The following E2F2 variants were observed in gnomAD, a reference collection of about 807,000 sequenced individuals.
E2F2 encodes E2F transcription factor 2.
Under a neutral mutation model 42.2 loss-of-function variants are expected in E2F2, and 22 were observed. That is an observed-to-expected ratio of 0.52 (90% CI 0.37 to 0.74). E2F2 has a LOEUF of 0.74. Ranked by LOEUF, E2F2 falls within the 30% of genes least tolerant of loss-of-function variation. The pLI is 0.00. For missense variants in E2F2, 481 were observed against 557.8 expected (o/e 0.86, Z 1.39); for synonymous variants, 248 against 251.6 (o/e 0.99, Z 0.13).
intron 1 of E2F2, among the ~76,000 whole-genome samples, chr1:23,529,419 G>A (rs998502955): frequency 1.3e-5 from 2 of 152,206 alleles, no homozygotes; most frequent in African/African-American, 4.8e-5. Flanking sequence ...CCTGCATCCA[G>A]AGCTGGCTGG....
intron 3 of E2F2, 101 bp from the exon 4 acceptor site, chr1:23,521,172 A>G: frequency 7.8e-7 from 1 of 1,287,726 alleles, no homozygotes; most frequent in Non-Finnish European, 1.0e-6. Flanking sequence ...GGTTGTGGAA[A>G]TCAGTGGTCA....
chr1:23,512,465 A>C (rs1219501918), intron 6 of E2F2, among the ~76,000 whole-genome samples: 1 of 152,124 alleles, frequency 6.6e-6, no homozygotes, highest in Non-Finnish European at 1.5e-5. Flanking sequence ...TTAAAAAAAA[A>C]AATCTAAGGT....
chr1:23,516,570 GACACTT>G (rs763535746), intron 5 of E2F2, 43 bp from the exon 6 acceptor site: 4 of 1,517,954 alleles, frequency 2.6e-6, no homozygotes, highest in South Asian at 1.2e-5. Context: ...TGGGCAGCTG[GACACTT>G]ACACTTAGTG....
In E2F2 at chr1:23,513,561, CATGTGTGT is replaced by C. The variant is rs1355360817; in HGVS notation, c.1045+2766_1045+2773del. Among the ~76,000 whole-genome samples, 961 of 116,022 alleles carry C rather than the reference CATGTGTGT, an allele frequency of 8.3e-3. 18 individuals carry two copies. Among genetic ancestry groups the C allele is most frequent in the Admixed American group, 0.04 (417 of 10,526 alleles). 76.1% of individuals were successfully genotyped at this position (116,022 alleles called of 152,430 possible). A position where few individuals can be genotyped will look rare whatever the true frequency, so the allele number is the denominator to read the frequency against. On this transcript the variant is annotated intron_variant, in intron 6 of 6. Transcript: ENST00000361729. ...TACTATTTCAGAACACAGCACGGAA[CATGTGTGT>C]GTGTGTGTGTGTGTGTGTGTGTGTG...
At position 23,508,899 on chromosome 1, in the gene E2F2, GC is replaced by G. The variant is rs1229797311; in HGVS notation, c.*980del. 1 of 152,222 alleles carries G rather than the reference GC, an allele frequency of 6.6e-6. No homozygotes were observed. The highest frequency in any genetic ancestry group is 6.5e-5 in the Admixed American group (1 of 15,276). The allele number at this position is 152,222 out of a possible 1,614,324, so 9.4% of individuals were successfully genotyped here. A position where few individuals can be genotyped will look rare whatever the true frequency, so the allele number is the denominator to read the frequency against. ...TAATCTGACCCTTCTTTACAGTGGG[GC>G]TGCCTCTGCCTACCAAGTCCTTGGT... On this transcript the variant is annotated 3_prime_UTR_variant, in exon 7 of 7. Coordinates refer to ENST00000361729, the MANE Select transcript of E2F2 (RefSeq NM_004091.4).
At chr1:23,522,422 G>A (rs1643170704) in intron 2 of E2F2, among the ~76,000 whole-genome samples, 1 of 152,194 alleles carries the variant, frequency 6.6e-6, no homozygotes, top group African/African-American at 2.4e-5. Context: ...CCCTGTAAGG[G>A]TTGCTGTACA....
intron 1 of E2F2, among the ~76,000 whole-genome samples, chr1:23,524,829 CCA>C (rs1422882904): frequency 6.6e-6 from 1 of 152,228 alleles, no homozygotes; most frequent in Non-Finnish European, 1.5e-5. Context: ...CCCACCACAC[CCA>C]GAGGATGATA....
chr1:23,513,940 A>G (rs1558238347), intron 6 of E2F2, among the ~76,000 whole-genome samples: 1 of 152,066 alleles, frequency 6.6e-6, no homozygotes. Flanking sequence ...CCTGGCCAAC[A>G]TGGTGAAACC....
At chr1:23,505,543 C>G (rs1026517871), downstream of E2F2, among the ~76,000 whole-genome samples, 2 of 151,928 alleles carry the variant, frequency 1.3e-5, no homozygotes, top group Admixed American at 6.6e-5. Flanking sequence ...GACGGAGTCT[C>G]GCTCTGTTGC....
chr1:23,519,930 T>C (rs1015421094), intron 4 of E2F2, among the ~76,000 whole-genome samples: 13 of 151,734 alleles, frequency 8.6e-5, no homozygotes, highest in African/African-American at 3.1e-4. Context: ...ATACAAAAAT[T>C]AGCCGGGTGT....
At chr1:23,523,844 C>A (rs1050231749) in intron 2 of E2F2, among the ~76,000 whole-genome samples, 1 of 151,930 alleles carries the variant, frequency 6.6e-6, no homozygotes, top group Non-Finnish European at 1.5e-5. Flanking sequence ...GAGGCCGAGG[C>A]GGGTGGATCA....
chr1:23,514,120 TC>T lies in E2F2; in HGVS notation c.1045+2214del, dbSNP rs1480964857. Among the ~76,000 whole-genome samples the T allele has an allele frequency of 1.0e-4, 11 of 106,558 alleles. No individual in the cohort carries two copies. The South Asian group carries it at 3.0e-3, about 29-fold the overall frequency. 69.9% of individuals were successfully genotyped at this position (106,558 alleles called of 152,430 possible). On this transcript the variant is annotated intron_variant, in intron 6 of 6. Coordinates refer to ENST00000361729, the MANE Select transcript of E2F2 (RefSeq NM_004091.4). ...GCCTGGGTGATAGAGTGAGACTCTG[TC>T]TTAAAAAAAAAAAAACAACTTCACA...
chr1:23,505,849 G>A (rs1642787014), downstream of E2F2, among the ~76,000 whole-genome samples: 1 of 151,906 alleles, frequency 6.6e-6, no homozygotes, highest in South Asian at 2.1e-4. Flanking sequence ...AGCCCAGGCT[G>A]GAGTGCAGTG....
Position 23,516,450 on chromosome 1 carries a change from C to T in E2F2, c.930G>A (p.Pro310=), listed in dbSNP as rs770860819. ...VYLCPEEVQE[P]DSPSEEPLPS... ...GGAGAGGCTCCTCGGAAGGACTGTC[C>T]GGCTCCTGCACCTCCTCTGGGCACA... Residue 310 remains proline, a synonymous_variant, in exon 6 of 7, where the codon CCG becomes CCA. Coordinates refer to ENST00000361729, the MANE Select transcript of E2F2 (RefSeq NM_004091.4). The T allele has an allele frequency of 2.5e-5, 41 of 1,609,414 alleles. No individual in the cohort carries two copies. The highest frequency in any genetic ancestry group is 1.2e-4 in the South Asian group (11 of 90,358).
downstream of E2F2, among the ~76,000 whole-genome samples, chr1:23,506,013 G>A (rs1642788859): frequency 6.6e-6 from 1 of 152,158 alleles, no homozygotes; most frequent in Non-Finnish European, 1.5e-5. Context: ...GGCCAGACTG[G>A]TCTTGAACTC....
intron 6 of E2F2, among the ~76,000 whole-genome samples, chr1:23,511,187 C>A (rs890906895): frequency 6.6e-6 from 1 of 152,142 alleles, no homozygotes; most frequent in Non-Finnish European, 1.5e-5. Flanking sequence ...TCTTATTTGA[C>A]CTTTCAGTAG....
chr1:23,512,412 TG>T (rs1185503259), intron 6 of E2F2, among the ~76,000 whole-genome samples: 3 of 151,474 alleles, frequency 2.0e-5, no homozygotes, highest in Non-Finnish European at 2.9e-5. Context: ...TATTTACAGA[TG>T]AGAAAACTAG....
Position 23,510,162 on chromosome 1 carries a change from G to T in E2F2, c.1046-14C>A. On this transcript the variant is annotated splice_polypyrimidine_tract_variant and intron_variant, in intron 6 of 6. Transcript: ENST00000361729. ...CTGGTGCTGGCACTGGAGACAAACA[G>T]ACAAAGGTTACGCCTGGCCCTAGCA... is the stretch of plus-strand genomic sequence containing the variant. The T allele has an allele frequency of 6.3e-7, 1 of 1,580,470 alleles. No individual in the cohort carries two copies. The highest frequency in any genetic ancestry group is 1.2e-5 in the South Asian group (1 of 86,092).
At position 23,526,604 on chromosome 1, in the gene E2F2, G is replaced by A. The variant is rs3218142; in HGVS notation, c.253-2116C>T. 6.6e-3 allele frequency among the ~76,000 whole-genome samples: 1,012 copies of A among 152,230 alleles called. 10 individuals carry two copies. The highest frequency in any genetic ancestry group is 0.023 in the African/African-American group (970 of 41,530). ...TCTATGCTGAGCCTGTTACATGCTC[G>A]TAACAGTCCTACCACATCAGTATTG... On this transcript the variant is annotated intron_variant, in intron 1 of 6. Transcript: ENST00000361729.
Sources: gnomAD v4.1 joint callset for allele counts (sites outside exome capture counted in the v4.1 genomes callset) on GRCh38, gnomAD v4.1.1 for gene constraint, MANE v1.5 for transcripts, NCBI Gene and HGNC (gene_info 2026-07-23, HGNC 2026-07-21) for gene names.